CNTLN: variants seen among roughly 807,000 people sequenced by gnomAD.
CNTLN encodes centlein, centrosomal protein.
Under a neutral mutation model 180.0 loss-of-function variants are expected in CNTLN, and 212 were observed. That is an observed-to-expected ratio of 1.18 (90% CI 1.05 to 1.32). The LOEUF (loss-of-function observed/expected upper bound fraction) is 1.32. Among genes scored for constraint, CNTLN ranks in the 40% most tolerant of loss-of-function variants. The pLI, the probability that CNTLN is intolerant of heterozygous loss-of-function variation, is 0.00. For missense variants in CNTLN, 2,095 were observed against 1,610.9 expected, an observed-to-expected ratio of 1.30 and a Z score of -5.14; for synonymous variants, 722 against 563.1, an observed-to-expected ratio of 1.28 and a Z score of -3.99.
intron 2 of CNTLN, among the ~76,000 whole-genome samples, chr9:17,182,970 C>G (rs1207819029): frequency 6.6e-6 from 1 of 152,152 alleles, no homozygotes; most frequent in Non-Finnish European, 1.5e-5. Context: ...ACAAGTGAAA[C>G]AGGTCATTAG....
intron 13 of CNTLN, among the ~76,000 whole-genome samples, chr9:17,368,932 C>T (rs918294959): frequency 6.6e-6 from 1 of 152,158 alleles, no homozygotes; most frequent in Non-Finnish European, 1.5e-5. Context: ...TACAAACAAT[C>T]CCAGACTGCA....
At chr9:17,272,443 G>T (rs10962990) in intron 5 of CNTLN, among the ~76,000 whole-genome samples, 7,093 of 152,156 alleles carry the variant, frequency 0.047, 223 homozygotes, top group South Asian at 0.15. Flanking sequence ...TGAAGGGTGT[G>T]TCTTGATGGG....
At chr9:17,328,734 T>A (rs75512801) in intron 8 of CNTLN, among the ~76,000 whole-genome samples, 2,094 of 152,254 alleles carry the variant, frequency 0.014, 52 homozygotes, top group African/African-American at 0.048. Flanking sequence ...ATTTTAAAGC[T>A]ATTACTTTAA....
At position 17,402,317 on chromosome 9, in the gene CNTLN, T is replaced by C. The variant is rs1049783344; in HGVS notation, c.2616-6976T>C. ...GTGACAAACCCAAAATATGAACAGG[T>C]AGGGACAGCCATCGACAGCTGTATG... On this transcript the variant is annotated intron_variant, in intron 15 of 25. Transcript: ENST00000380647. 3.3e-5 allele frequency among the ~76,000 whole-genome samples: 5 copies of C among 151,500 alleles called. 1 individual carries two copies. Among genetic ancestry groups the C allele is most frequent in the African/African-American group, 1.2e-4 (5 of 41,000 alleles).
chr9:17,368,735 C>G (rs1056779433), intron 13 of CNTLN, among the ~76,000 whole-genome samples: 1 of 152,194 alleles, frequency 6.6e-6, no homozygotes, highest in Non-Finnish European at 1.5e-5. Context: ...CGGATCTTAT[C>G]CAAGACTGCC....
At chr9:17,215,584 G>T (rs559029728) in intron 2 of CNTLN, among the ~76,000 whole-genome samples, 1 of 152,328 alleles carries the variant, frequency 6.6e-6, no homozygotes, top group South Asian at 2.1e-4. Flanking sequence ...AAAGCTGTCA[G>T]ACAGGGACAT....
intron 6 of CNTLN, among the ~76,000 whole-genome samples, chr9:17,275,263 T>A (rs761905597): frequency 6.6e-6 from 1 of 152,142 alleles, no homozygotes; most frequent in African/African-American, 2.4e-5. Flanking sequence ...TTTTGAACAT[T>A]GTTTTACATG....
At chr9:17,280,261 G>T (rs1828583650) in intron 6 of CNTLN, among the ~76,000 whole-genome samples, 1 of 152,132 alleles carries the variant, frequency 6.6e-6, no homozygotes. Flanking sequence ...TTGGTTCTCA[G>T]TATCTTCTCT....
intron 2 of CNTLN, among the ~76,000 whole-genome samples, chr9:17,171,834 T>C (rs780698537): frequency 9.9e-5 from 15 of 152,074 alleles, no homozygotes; most frequent in Non-Finnish European, 1.5e-4. Context: ...TATAGGTAGC[T>C]CCAGGGTCCA....
chr9:17,436,886 T>A (rs2134014770), intron 18 of CNTLN, among the ~76,000 whole-genome samples: 1 of 152,324 alleles, frequency 6.6e-6, no homozygotes, highest in Non-Finnish European at 1.5e-5. Flanking sequence ...TCTCCAGAGT[T>A]TTCTTTTACC....
chr9:17,256,823 TTC>T (rs1296249280), intron 5 of CNTLN, among the ~76,000 whole-genome samples: 1 of 151,878 alleles, frequency 6.6e-6, no homozygotes. Context: ...ATTTGACTGT[TTC>T]TCTCTCTTGA....
intron 18 of CNTLN, among the ~76,000 whole-genome samples, chr9:17,457,075 C>G (rs971989445): frequency 2.0e-5 from 3 of 152,132 alleles, no homozygotes; most frequent in African/African-American, 7.2e-5. Context: ...ATTTATGTTG[C>G]TAAATGAGAA....
chr9:17,252,717 A>G (rs78862252), intron 5 of CNTLN, among the ~76,000 whole-genome samples: 25,949 of 151,580 alleles, frequency 0.17, 2,482 homozygotes, highest in South Asian at 0.28. Context: ...TGTTTTTTGT[A>G]GGCTGAATTT....
Position 17,187,291 on chromosome 9 carries a change from G to A in CNTLN, c.450-38912G>A, listed in dbSNP as rs1821489851. On this transcript the variant is annotated intron_variant, in intron 2 of 25. Transcript: ENST00000380647. ...TTGAAAATGTCAAACTCTTTTGTAA[G>A]TTATTACATACTCTATAAGTTTAAG... Among the ~76,000 whole-genome samples the A allele has an allele frequency of 3.3e-5, 5 of 151,994 alleles. No homozygotes were observed. The South Asian group carries it at 1.0e-3, about 31-fold the overall frequency.
chr9:17,461,093 T>G (rs1831418642), intron 19 of CNTLN, among the ~76,000 whole-genome samples: 1 of 151,440 alleles, frequency 6.6e-6, no homozygotes, highest in Non-Finnish European at 1.5e-5. Context: ...ATCACAGTAG[T>G]CCCTAAAGCC....
At chr9:17,438,700 A>G (rs913738626) in intron 18 of CNTLN, among the ~76,000 whole-genome samples, 1 of 152,228 alleles carries the variant, frequency 6.6e-6, no homozygotes, top group Non-Finnish European at 1.5e-5. Flanking sequence ...AAGTAGTAGG[A>G]TATATGAGTT....
At chr9:17,181,921 G>A (rs1389004407) in intron 2 of CNTLN, among the ~76,000 whole-genome samples, 1 of 152,190 alleles carries the variant, frequency 6.6e-6, no homozygotes, top group Admixed American at 6.5e-5. Context: ...GCTGGGCAGA[G>A]GTGAAAATTC....
rs1358486733 is a variant in CNTLN at position 17,371,700 on chromosome 9, G to A, written c.1987+4983G>A. On this transcript the variant is annotated intron_variant, in intron 13 of 25. Coordinates refer to ENST00000380647, the MANE Select transcript of CNTLN (RefSeq NM_017738.4). ...AGCACATCGATCATTCTCGAGGACAGACTGTGTGTTAAGCCATAAAACAAC... is the reference window on the plus strand; with the variant it reads ...AGCACATCGATCATTCTCGAGGACAAACTGTGTGTTAAGCCATAAAACAAC... Among the ~76,000 whole-genome samples, 6 of 152,222 alleles carry A rather than the reference G, an allele frequency of 3.9e-5. No homozygotes were observed. In the East Asian group the frequency reaches 7.7e-4, roughly 20 times the overall value.
At chr9:17,189,647 C>G (rs1411455474) in intron 2 of CNTLN, among the ~76,000 whole-genome samples, 5 of 151,192 alleles carry the variant, frequency 3.3e-5, no homozygotes, top group Non-Finnish European at 7.4e-5. Context: ...TCACACCTGA[C>G]TAATTTTTTT....
Sources: allele counts gnomAD v4.1 joint callset (sites outside exome capture counted in the v4.1 genomes callset), GRCh38; gene constraint gnomAD v4.1.1; transcripts MANE v1.5; gene names NCBI Gene and HGNC (gene_info 2026-07-23, HGNC 2026-07-21).